The following KIF13A variants were observed in gnomAD, a reference collection of about 807,000 sequenced individuals.
The protein encoded by KIF13A is kinesin-like protein KIF13A.
In KIF13A, 79 loss-of-function variants were observed where a neutral mutation model predicts 212.2. The ratio of observed to expected loss-of-function variants is 0.37; its 90% CI spans 0.31 to 0.45. The LOEUF is 0.45. Among genes scored for constraint, KIF13A ranks in the 20% least tolerant of loss-of-function variants. The pLI is 1.00. For missense variants in KIF13A, 1,901 were observed against 2,209.0 expected, an observed-to-expected ratio of 0.86 and a Z score of 2.79; for synonymous variants, 789 against 808.6, an observed-to-expected ratio of 0.98 and a Z score of 0.41.
intron 2 of KIF13A, among the ~76,000 whole-genome samples, chr6:17,904,287 G>A (rs1055662244): frequency 2.6e-5 from 4 of 152,074 alleles, no homozygotes; most frequent in Non-Finnish European, 5.9e-5. Flanking sequence ...GGCCAAGATG[G>A]TGAAACCCCA....
At chr6:17,904,925 A>T (rs1773365375) in intron 2 of KIF13A, among the ~76,000 whole-genome samples, 2 of 152,236 alleles carry the variant, frequency 1.3e-5, no homozygotes, top group Admixed American at 1.3e-4. Flanking sequence ...GCCTCCTGGA[A>T]ATTAGCCTAA....
At chr6:17,913,547 A>G (rs1436539631) in intron 2 of KIF13A, among the ~76,000 whole-genome samples, 1 of 152,174 alleles carries the variant, frequency 6.6e-6, no homozygotes, top group East Asian at 1.9e-4. Flanking sequence ...CACAAGATTT[A>G]GGAGAAATGT....
intron 2 of KIF13A, among the ~76,000 whole-genome samples, chr6:17,965,898 G>A (rs563945351): frequency 2.0e-5 from 3 of 152,254 alleles, no homozygotes; most frequent in South Asian, 4.1e-4. Context: ...AAATGGGGCC[G>A]GGCGTGGTGG....
chr6:17,889,930 A>G (rs1364647673), intron 3 of KIF13A, among the ~76,000 whole-genome samples: 1 of 152,158 alleles, frequency 6.6e-6, no homozygotes, highest in African/African-American at 2.4e-5. Flanking sequence ...AGATCACCCG[A>G]GGTCGAGAGT....
At chr6:17,801,866 T>C (rs2150334750) in intron 20 of KIF13A, among the ~76,000 whole-genome samples, 1 of 152,308 alleles carries the variant, frequency 6.6e-6, no homozygotes, top group Admixed American at 6.5e-5. Context: ...TTTAAAACTT[T>C]TTCATTAAAA....
At chr6:17,943,857 T>C (rs1777158185) in intron 2 of KIF13A, among the ~76,000 whole-genome samples, 1 of 152,122 alleles carries the variant, frequency 6.6e-6, no homozygotes, top group African/African-American at 2.4e-5. Flanking sequence ...AGTTGACTTA[T>C]GTCATAGAAG....
At position 17,794,704 on chromosome 6, in the gene KIF13A, C is replaced by T; in HGVS notation, c.2943G>A (p.Arg981=). ...LHAKTRTLHD[R]WNEVTRRIEM... is the part of the protein sequence containing the mutation. The stretch of plus-strand genomic sequence containing the variant: ...CTATTCTTCGCGTTACTTCATTCCA[C>T]CTGCAGAAACACATTCCAACAAGCA... Residue 981 remains arginine (R), a splice_region_variant and synonymous_variant, in exon 24 of 39, where the codon AGG becomes AGA. Transcript: ENST00000259711. This position sits in a 1 kb window ranked among gnomAD's most constrained non-coding sequence, Gnocchi z 4.1. 1 of 1,606,142 alleles carries T rather than the reference C, an allele frequency of 6.2e-7. No homozygotes were observed. The highest frequency in any genetic ancestry group is 8.5e-7 in the Non-Finnish European group (1 of 1,178,072).
At chr6:17,902,797 T>C (rs538366357) in intron 2 of KIF13A, among the ~76,000 whole-genome samples, 37 of 152,340 alleles carry the variant, frequency 2.4e-4, no homozygotes, top group East Asian at 2.1e-3. Context: ...TTGAGTCTCA[T>C]ATATCTTTAA....
At chr6:17,795,454 G>A (rs146860498) in intron 23 of KIF13A, among the ~76,000 whole-genome samples, 22 of 151,968 alleles carry the variant, frequency 1.4e-4, no homozygotes, top group Non-Finnish European at 1.5e-4. Context: ...AATTATCCGG[G>A]CATGGCAGCA....
chr6:17,835,049 G>A (rs1196437564), intron 11 of KIF13A, among the ~76,000 whole-genome samples: 1 of 151,630 alleles, frequency 6.6e-6, no homozygotes, highest in African/African-American at 2.4e-5. Context: ...GGGTATAATG[G>A]CGCATGCCTG....
Position 17,838,588 on chromosome 6 carries a change from C to T in KIF13A, c.831-1005G>A, listed in dbSNP as rs1206906690. Among the ~76,000 whole-genome samples the T allele has an allele frequency of 6.6e-6, 1 of 151,984 alleles. No homozygotes were observed. Among genetic ancestry groups the T allele is most frequent in the Admixed American group, 6.6e-5 (1 of 15,254 alleles). ...GTTAGAATTTTAATAACAGCCATTA[C>T]CACAGAGTGGCATAAATATGTACAT... is the stretch of plus-strand genomic sequence containing the variant. On this transcript the variant is annotated intron_variant, in intron 9 of 38. Coordinates refer to ENST00000259711, the MANE Select transcript of KIF13A (RefSeq NM_022113.6). The surrounding 1 kb of genome is among the most constrained non-coding windows in gnomAD (Gnocchi z 4.2).
intron 9 of KIF13A, among the ~76,000 whole-genome samples, chr6:17,840,454 T>C (rs1370285946): frequency 2.6e-5 from 4 of 152,308 alleles, no homozygotes; most frequent in African/African-American, 9.6e-5. Flanking sequence ...ATCCCAGATA[T>C]TTTACTATCT....
At chr6:17,851,090 T>C (rs1487974667) in intron 7 of KIF13A, among the ~76,000 whole-genome samples, 7 of 152,132 alleles carry the variant, frequency 4.6e-5, no homozygotes, top group African/African-American at 1.7e-4. Context: ...ACATCAACAC[T>C]TACCTCAACC....
intron 2 of KIF13A, among the ~76,000 whole-genome samples, chr6:17,929,069 A>AAAC (rs1554117378): frequency 0.015 from 1,939 of 130,268 alleles, 27 homozygotes; most frequent in Non-Finnish European, 0.021. Context: ...CAAAAAAAAA[A>AAAC]AAAAAAAAAA....
At chr6:17,770,666 T>C (rs761579391) in intron 38 of KIF13A, 6 of 218,918 alleles carry the variant, frequency 2.7e-5, no homozygotes, top group Admixed American at 6.2e-5. Flanking sequence ...TACAGAATTA[T>C]CTTGGCAATA....
At chr6:17,879,591 A>G (rs189016658) in intron 3 of KIF13A, among the ~76,000 whole-genome samples, 123 of 152,328 alleles carry the variant, frequency 8.1e-4, no homozygotes, top group African/African-American at 2.9e-3. Context: ...TAAACAAGCA[A>G]GGGCATATCA....
chr6:17,930,675 A>G (rs1277644997), intron 2 of KIF13A, among the ~76,000 whole-genome samples: 1 of 152,202 alleles, frequency 6.6e-6, no homozygotes, highest in Non-Finnish European at 1.5e-5. Flanking sequence ...CAGGGAGTTA[A>G]GTAAGTTTCC....
chr6:17,841,462 C>T (rs1482967787), intron 9 of KIF13A, among the ~76,000 whole-genome samples: 1 of 152,184 alleles, frequency 6.6e-6, no homozygotes, highest in African/African-American at 2.4e-5. Flanking sequence ...AGTTGCTTTT[C>T]TCTTGTTAAT....
chr6:17,975,969 G>C (rs1780394722), intron 2 of KIF13A, among the ~76,000 whole-genome samples: 1 of 151,326 alleles, frequency 6.6e-6, no homozygotes, highest in African/African-American at 2.4e-5. Flanking sequence ...ATACAGTGTC[G>C]ATTGGTGCAT....
Sources: gnomAD v4.1 joint callset for allele counts (sites outside exome capture counted in the v4.1 genomes callset) on GRCh38, gnomAD v4.1.1 for gene constraint, Gnocchi (gnomAD v3.1) non-coding constraint, MANE v1.5 for transcripts, NCBI Gene and HGNC (gene_info 2026-07-23, HGNC 2026-07-21) for gene names.